Variants in PHF2 observed in about 807,000 individuals in gnomAD.
The protein encoded by PHF2 is PHD finger protein 2, also known as lysine-specific demethylase PHF2.
PHF2 carries 27 observed loss-of-function variants against 120.5 expected under a neutral mutation model. The observed-to-expected ratio is 0.22, with a 90% CI of 0.17 to 0.31. The LOEUF (loss-of-function observed/expected upper bound fraction) is 0.31, where lower values mean the gene tolerates loss of function less well. PHF2 is among the 10% of genes least tolerant of loss of function. PHF2 has a pLI of 1.00. For missense variants in PHF2, 1,024 were observed against 1,434.8 expected (o/e 0.71, Z 4.63); for synonymous variants, 568 against 592.5 (o/e 0.96, Z 0.60).
intron 1 of PHF2, among the ~76,000 whole-genome samples, chr9:93,597,088 A>G (rs1825349151): frequency 6.6e-6 from 1 of 151,298 alleles, no homozygotes; most frequent in Admixed American, 6.6e-5. Context: ...CCGCCACCAC[A>G]CCCAGCTAAT....
At chr9:93,672,396 G>A (rs1826818365) in intron 17 of PHF2, 1 of 327,704 alleles carries the variant, frequency 3.1e-6, no homozygotes, top group African/African-American at 5.2e-5. Flanking sequence ...GTAGGCACAG[G>A]TGCAGGTGCA....
chr9:93,600,483 G>T (rs566795190), intron 1 of PHF2, among the ~76,000 whole-genome samples: 1 of 152,348 alleles, frequency 6.6e-6, no homozygotes, highest in Non-Finnish European at 1.5e-5. Context: ...GTATTGCAGT[G>T]TGGGACAGCT....
In PHF2 at chr9:93,678,692, G is replaced by A. The variant is rs1826967299; in HGVS notation, c.*1016G>A. 6.6e-6 allele frequency: 1 copy of A among 152,646 alleles called. No homozygotes were observed. Among genetic ancestry groups the A allele is most frequent in the Admixed American group, 6.5e-5 (1 of 15,284 alleles). 9.5% of individuals were successfully genotyped at this position (152,646 alleles called of 1,614,324 possible). A position where few individuals can be genotyped will look rare whatever the true frequency, so the allele number is the denominator to read the frequency against. ...TTTAATTTTAGATGTATTTCCTGAA[G>A]CATATTTTTCATAGAATGTAGCGTG... On this transcript the variant is annotated 3_prime_UTR_variant, in exon 22 of 22. Transcript: ENST00000359246.
chr9:93,671,000 G>C, intron 17 of PHF2: 1 of 985,012 alleles, frequency 1.0e-6, no homozygotes, highest in Non-Finnish European at 1.2e-6. Context: ...TTCAGGTGCA[G>C]ATGCAGCTGC....
chr9:93,663,081 G>A (rs3750359), intron 13 of PHF2, 55 bp downstream of exon 13: 556,452 of 1,606,110 alleles, frequency 0.35, 102,645 homozygotes, highest in Non-Finnish European at 0.39. Flanking sequence ...GTGAGTGTGA[G>A]CAGAGGTGAA....
At chr9:93,650,387 G>A (rs937924834) in intron 5 of PHF2, among the ~76,000 whole-genome samples, 2 of 152,042 alleles carry the variant, frequency 1.3e-5, no homozygotes, top group African/African-American at 4.8e-5. Flanking sequence ...CCTAACACCC[G>A]CATCCCTGGC....
At chr9:93,649,359 C>G (rs1052216316) in intron 5 of PHF2, 147 bp downstream of exon 5, 24 of 214,756 alleles carry the variant, frequency 1.1e-4, no homozygotes, top group African/African-American at 7.5e-4. Flanking sequence ...CTGTTTCTCT[C>G]TTTTAAATTT....
intron 1 of PHF2, among the ~76,000 whole-genome samples, chr9:93,585,129 CT>C (rs1184219445): frequency 6.6e-6 from 1 of 152,264 alleles, no homozygotes; most frequent in African/African-American, 2.4e-5. Flanking sequence ...CTGCCCACCC[CT>C]GGCATGCTCT....
At chr9:93,670,477 TG>T (rs1587720283) in intron 17 of PHF2, among the ~76,000 whole-genome samples, 1 of 152,198 alleles carries the variant, frequency 6.6e-6, no homozygotes, top group East Asian at 1.9e-4. Flanking sequence ...GGGTGGGGCC[TG>T]GGCCTTGACA....
At chr9:93,652,387 T>C (rs891187130) in intron 5 of PHF2, among the ~76,000 whole-genome samples, 2 of 149,960 alleles carry the variant, frequency 1.3e-5, no homozygotes, top group African/African-American at 4.9e-5. Context: ...CTCTGCCTCC[T>C]GGGTTCAAGT....
chr9:93,586,542 G>C (rs570944511), intron 1 of PHF2, among the ~76,000 whole-genome samples: 1 of 152,238 alleles, frequency 6.6e-6, no homozygotes, highest in Non-Finnish European at 1.5e-5. Flanking sequence ...GCCAGCCAAC[G>C]TACAGGCCGG....
chr9:93,675,669 CT>C lies in PHF2; in HGVS notation c.2723-7del. 6.2e-7 allele frequency: 1 copy of C among 1,606,010 alleles called. No homozygotes were observed. The highest frequency in any genetic ancestry group is 2.2e-5 in the East Asian group (1 of 44,750). ...CTACAGCTTGAGGGGGCTGGCCCTT[CT>C]TTTCCACAGCAAGGGTCGGCCCATC... On this transcript the variant is annotated splice_polypyrimidine_tract_variant and intron_variant, in intron 19 of 21. Coordinates refer to ENST00000359246, the MANE Select transcript of PHF2 (RefSeq NM_005392.4).
chr9:93,584,259 C>CT (rs1046720254), intron 1 of PHF2, among the ~76,000 whole-genome samples: 4 of 152,124 alleles, frequency 2.6e-5, no homozygotes, highest in African/African-American at 9.7e-5. Context: ...TGGTTTATCT[C>CT]TTTTTTGTTT....
At chr9:93,672,104 A>T (rs1587721978) in intron 17 of PHF2, among the ~76,000 whole-genome samples, 1 of 96,400 alleles carries the variant, frequency 1.0e-5, no homozygotes. Flanking sequence ...GGATGTAGGT[A>T]CAGGTGTAGA....
At position 93,678,130 on chromosome 9, in the gene PHF2, G is replaced by C. The variant is rs1826954629; in HGVS notation, c.*454G>C. On this transcript the variant is annotated 3_prime_UTR_variant, in exon 22 of 22. Coordinates refer to ENST00000359246, the MANE Select transcript of PHF2 (RefSeq NM_005392.4). ...AAAAAAGGCAAAGAACACAGAAAGA[G>C]GAGGAGCAAGTGGGATGTTTATGTC... The C allele has an allele frequency of 6.4e-6, 1 of 157,322 alleles. No individual in the cohort carries two copies. The highest frequency in any genetic ancestry group is 6.2e-5 in the Admixed American group (1 of 16,036). 9.7% of individuals were successfully genotyped at this position (157,322 alleles called of 1,614,324 possible). A position where few individuals can be genotyped will look rare whatever the true frequency, so the allele number is the denominator to read the frequency against.
rs139387238 is a variant in PHF2 at position 93,639,383 on chromosome 9, G to A, written c.299+2858G>A. 2.3e-3 allele frequency among the ~76,000 whole-genome samples: 357 copies of A among 152,206 alleles called. 1 individual carries two copies. Among genetic ancestry groups the A allele is most frequent in the African/African-American group, 8.3e-3 (346 of 41,520 alleles). Reference sequence around the variant, plus strand: ...TTTTCAGATTGTTCATTGATAGTGTGTAGAAATACAATTGATTTTTATATG... The same window carrying A: ...TTTTCAGATTGTTCATTGATAGTGTATAGAAATACAATTGATTTTTATATG... On this transcript the variant is annotated intron_variant, in intron 3 of 21. Transcript: ENST00000359246.
intron 1 of PHF2, among the ~76,000 whole-genome samples, chr9:93,583,040 T>C (rs1286067376): frequency 1.3e-5 from 2 of 152,206 alleles, no homozygotes; most frequent in Non-Finnish European, 2.9e-5. Context: ...GTAAACCCGG[T>C]ATCCAATAAG....
intron 3 of PHF2, among the ~76,000 whole-genome samples, chr9:93,641,753 G>A (rs1043287714): frequency 5.3e-5 from 8 of 152,154 alleles, no homozygotes; most frequent in South Asian, 2.1e-4. Context: ...TCTTGACAGC[G>A]TCATTTGAAG....
chr9:93,626,104 G>A (rs1206631523), intron 1 of PHF2, among the ~76,000 whole-genome samples: 2 of 152,106 alleles, frequency 1.3e-5, no homozygotes, highest in African/African-American at 4.8e-5. Context: ...TTAGCCAGGC[G>A]TGATGGCAGG....
Sources: allele counts gnomAD v4.1 joint callset (sites outside exome capture counted in the v4.1 genomes callset), GRCh38; gene constraint gnomAD v4.1.1; transcripts MANE v1.5; gene names NCBI Gene and HGNC (gene_info 2026-07-23, HGNC 2026-07-21).